CCDC171: variants seen among roughly 807,000 people sequenced by gnomAD.
CCDC171 encodes the protein coiled-coil domain-containing protein 171.
Under a neutral mutation model 168.2 loss-of-function variants are expected in CCDC171, and 177 were observed. The ratio of observed to expected loss-of-function variants is 1.05; its 90% CI spans 0.93 to 1.19. CCDC171 has a LOEUF of 1.19. Ranked by LOEUF, CCDC171 falls within the 50% of genes most tolerant of loss-of-function variation. The pLI is 0.00. For missense variants in CCDC171, 1,991 were observed against 1,539.0 expected, an observed-to-expected ratio of 1.29 and a Z score of -4.91; for synonymous variants, 687 against 540.8, an observed-to-expected ratio of 1.27 and a Z score of -3.75.
At chr9:16,103,468 A>G in the CCDC171 span, among the ~76,000 whole-genome samples, 1 of 152,252 alleles carries the variant, frequency 6.6e-6, no homozygotes, top group Non-Finnish European at 1.5e-5. Context: ...ATACTGGCAT[A>G]AAAGATGCAA....
chr9:16,085,548 G>A, the CCDC171 span, among the ~76,000 whole-genome samples: 1 of 152,210 alleles, frequency 6.6e-6, no homozygotes, highest in South Asian at 2.1e-4. Context: ...AACCGATGCT[G>A]GAGAACGCTG....
chr9:15,678,815 G>A lies in CCDC171; in HGVS notation c.1134G>A (p.Gln378=). ...AACTAAATGAAGACATCGAGGAACAGAAGAAAGTAATTATAGACCTTTCAA... is the reference window on the plus strand; with the variant it reads ...AACTAAATGAAGACATCGAGGAACAAAAGAAAGTAATTATAGACCTTTCAA... The part of the protein sequence containing the change: ...NKKLNEDIEE[Q]KKVIIDLSKR... Residue 378 remains glutamine (Q), a synonymous_variant, in exon 10 of 26, where the codon CAG becomes CAA. Transcript: ENST00000380701. 6.3e-7 allele frequency: 1 copy of A among 1,596,154 alleles called. No homozygotes were observed. Among genetic ancestry groups the A allele is most frequent in the Non-Finnish European group, 8.5e-7 (1 of 1,171,916 alleles).
chr9:16,093,068 T>C, the CCDC171 span, among the ~76,000 whole-genome samples: 13 of 152,312 alleles, frequency 8.5e-5, no homozygotes, highest in South Asian at 2.5e-3. Flanking sequence ...AACGGTTTCA[T>C]TTTCAAAGCA....
At chr9:15,787,332 T>C (rs1195163516) in intron 21 of CCDC171, among the ~76,000 whole-genome samples, 1 of 152,170 alleles carries the variant, frequency 6.6e-6, no homozygotes, top group Non-Finnish European at 1.5e-5. Context: ...ATTCTTTCTG[T>C]CTAGCTGAAA....
chr9:16,081,481 C>T, the CCDC171 span, among the ~76,000 whole-genome samples: 1 of 152,148 alleles, frequency 6.6e-6, no homozygotes, highest in Non-Finnish European at 1.5e-5. Flanking sequence ...CCCTTGCTCA[C>T]TGAACATGAA....
At chr9:15,839,074 G>C (rs2060567791) in intron 21 of CCDC171, among the ~76,000 whole-genome samples, 1 of 152,084 alleles carries the variant, frequency 6.6e-6, no homozygotes. Context: ...TACTACAATG[G>C]AGTGCTGTAC....
Position 15,953,221 on chromosome 9 carries a change from C to T in CCDC171, c.3754-18388C>T, listed in dbSNP as rs147743007. ...AGGCCTTCCAGTACTATGTTGAATG[C>T]AAGTGGTGAAAGGAGTCAGGTTTGC... On this transcript the variant is annotated intron_variant, in intron 25 of 25. Transcript: ENST00000380701. 2.4e-4 allele frequency among the ~76,000 whole-genome samples: 36 copies of T among 152,234 alleles called. No homozygotes were observed. The East Asian group carries it at 6.6e-3, about 28-fold the overall frequency.
intron 11 of CCDC171, 76 bp downstream of exon 11, chr9:15,695,413 G>A: frequency 2.0e-6 from 2 of 1,016,470 alleles, no homozygotes; most frequent in Non-Finnish European, 3.1e-6. Context: ...TTCTGCAGAT[G>A]CCTCTTGTAG....
At chr9:15,768,055 CTTG>C (rs2056828329) in intron 18 of CCDC171, among the ~76,000 whole-genome samples, 1 of 149,818 alleles carries the variant, frequency 6.7e-6, no homozygotes, top group South Asian at 2.1e-4. Context: ...GTTTTTATTC[CTTG>C]TTGTCCCGAG....
At chr9:16,062,643 G>A (rs1309729660), downstream of CCDC171, among the ~76,000 whole-genome samples, 1 of 152,138 alleles carries the variant, frequency 6.6e-6, no homozygotes, top group African/African-American at 2.4e-5. Flanking sequence ...CTCCACAAAG[G>A]CTTTTTGAGT....
chr9:16,095,274 G>A, the CCDC171 span, among the ~76,000 whole-genome samples: 6 of 152,122 alleles, frequency 3.9e-5, no homozygotes, highest in African/African-American at 7.2e-5. Context: ...AATCGCCTTC[G>A]GTGAGCATGG....
At chr9:15,607,344 T>C (rs2043303966) in intron 6 of CCDC171, among the ~76,000 whole-genome samples, 2 of 152,146 alleles carry the variant, frequency 1.3e-5, no homozygotes, top group African/African-American at 4.8e-5. Flanking sequence ...CATTCTGAAG[T>C]TGGTGTTTAA....
At chr9:15,627,412 G>A (rs185338813) in intron 7 of CCDC171, among the ~76,000 whole-genome samples, 94 of 151,752 alleles carry the variant, frequency 6.2e-4, no homozygotes, top group African/African-American at 2.0e-3. Context: ...GTGATGTTAG[G>A]GTGTCAATTT....
chr9:16,016,528 A>G (rs1243750477), intron 3 of CCDC171, among the ~76,000 whole-genome samples: 1 of 152,170 alleles, frequency 6.6e-6, no homozygotes, highest in Non-Finnish European at 1.5e-5. Flanking sequence ...CCACCTGAGA[A>G]GATGTCAACT....
chr9:16,003,227 T>C (rs368150227), intron 3 of CCDC171, among the ~76,000 whole-genome samples: 24 of 152,372 alleles, frequency 1.6e-4, no homozygotes, highest in African/African-American at 5.5e-4. Flanking sequence ...GCAAGTCATA[T>C]ATCCTCTTGG....
chr9:15,634,648 A>T (rs10756686), intron 7 of CCDC171, among the ~76,000 whole-genome samples: 73,671 of 151,988 alleles, frequency 0.48, 18,284 homozygotes, highest in East Asian at 0.76. Context: ...AACACTTTAT[A>T]GAGATGTAAT....
intron 7 of CCDC171, among the ~76,000 whole-genome samples, chr9:15,653,042 A>G (rs1405334761): frequency 6.6e-6 from 1 of 152,212 alleles, no homozygotes; most frequent in East Asian, 1.9e-4. Flanking sequence ...ATGTAGGAAT[A>G]GTTTGAGTTA....
chr9:15,774,243 C>CT (rs1354447026), intron 18 of CCDC171, among the ~76,000 whole-genome samples: 1 of 64,590 alleles, frequency 1.5e-5, no homozygotes, highest in Non-Finnish European at 2.6e-5. Flanking sequence ...AAGACGCTGT[C>CT]TTTAAAAAAA....
In CCDC171 at chr9:15,558,061, A is replaced by G. The variant is rs146151553; in HGVS notation, c.-112+4759A>G. On this transcript the variant is annotated intron_variant, in intron 1 of 25. Coordinates refer to ENST00000380701, the MANE Select transcript of CCDC171 (RefSeq NM_173550.4). ...ACGTTTATTGATTTGCGTATGTTGA[A>G]CCAGCCTTCCATCCCAGGGATGAAG... Among the ~76,000 whole-genome samples, 987 of 152,232 alleles carry G rather than the reference A, an allele frequency of 6.5e-3. 16 individuals are homozygous for G. The highest frequency in any genetic ancestry group is 0.022 in the African/African-American group (927 of 41,542).
Sources: gnomAD v4.1 joint callset for allele counts (sites outside exome capture counted in the v4.1 genomes callset) on GRCh38, gnomAD v4.1.1 for gene constraint, MANE v1.5 for transcripts, NCBI Gene and HGNC (gene_info 2026-07-23, HGNC 2026-07-21) for gene names.